The following B4GALNT3 variants were observed in gnomAD, a reference collection of about 807,000 sequenced individuals.
B4GALNT3 encodes the protein beta-1,4-N-acetyl-galactosaminyltransferase 3.
Under a neutral mutation model 120.2 loss-of-function variants are expected in B4GALNT3, and 86 were observed. The ratio of observed to expected loss-of-function variants is 0.72; its 90% CI spans 0.60 to 0.86. B4GALNT3 has a LOEUF of 0.86. Among genes scored for constraint, B4GALNT3 ranks in the 40% least tolerant of loss-of-function variants. The pLI, the probability that B4GALNT3 is intolerant of heterozygous loss-of-function variation, is 0.00. For synonymous variants in B4GALNT3, 518 were observed against 510.4 expected, an observed-to-expected ratio of 1.01 and a Z score of -0.20; for missense variants, 1,167 against 1,298.9, an observed-to-expected ratio of 0.90 and a Z score of 1.56.
Position 550,266 on chromosome 12 carries a change from C to T in B4GALNT3, c.997+354C>T, listed in dbSNP as rs923677226. On this transcript the variant is annotated intron_variant, in intron 10 of 19. Coordinates refer to ENST00000266383, the MANE Select transcript of B4GALNT3 (RefSeq NM_173593.4). This position sits in a 1 kb window ranked among gnomAD's most constrained non-coding sequence, Gnocchi z 4.1. ...CTCTTGTCATCCAAGGAGAGAAATA[C>T]GTGGACACCACAGTGTTAGAGTCTT... Among the ~76,000 whole-genome samples, 3 of 152,258 alleles carry T rather than the reference C, an allele frequency of 2.0e-5. No individual in the cohort carries two copies. Among genetic ancestry groups the T allele is most frequent in the Middle Eastern group, 3.4e-3 (1 of 294 alleles).
chr12:556,447 C>A, intron 14 of B4GALNT3, 100 bp from the exon 15 acceptor site: 1 of 1,217,448 alleles, frequency 8.2e-7, no homozygotes, highest in Non-Finnish European at 1.2e-6. Flanking sequence ...GGACAAAAAC[C>A]AGGGTCTCCC....
chr12:527,546 C>T (rs756876199), intron 1 of B4GALNT3, among the ~76,000 whole-genome samples: 51 of 152,306 alleles, frequency 3.3e-4, no homozygotes, highest in African/African-American at 7.5e-4. Context: ...AGGGTAGCGT[C>T]GGGGAAGAGA....
chr12:542,759 G>A (rs1946933518), intron 3 of B4GALNT3, among the ~76,000 whole-genome samples: 1 of 152,210 alleles, frequency 6.6e-6, no homozygotes, highest in South Asian at 2.1e-4. Flanking sequence ...AACCCAACTG[G>A]CACTGCCCCG....
chr12:546,558 G>A, intron 6 of B4GALNT3, 88 bp from the exon 7 acceptor site: 2 of 1,186,552 alleles, frequency 1.7e-6, no homozygotes, highest in South Asian at 2.6e-5. Context: ...CTCACTTCTT[G>A]GTTCTCCTTC....
chr12:512,165 ACCTTCCGCCTTCCGCCTTCCACCTTCCG>A (rs1946582544), intron 1 of B4GALNT3, among the ~76,000 whole-genome samples: 2 of 50,116 alleles, frequency 4.0e-5, no homozygotes, highest in Non-Finnish European at 6.5e-5. Flanking sequence ...TCCGCCTTCC[ACCTTCCGCCTTCCGCCTTCCACCTTCCG>A]CCTTCCACCT....
chr12:519,503 G>A (rs2286783), intron 1 of B4GALNT3, among the ~76,000 whole-genome samples: 68,371 of 151,680 alleles, frequency 0.45, 15,844 homozygotes, highest in East Asian at 0.69. Flanking sequence ...CTGGCAGAAC[G>A]CGGCTCAGTG....
At chr12:527,952 G>C (rs1946772558) in intron 1 of B4GALNT3, among the ~76,000 whole-genome samples, 1 of 152,006 alleles carries the variant, frequency 6.6e-6, no homozygotes, top group East Asian at 1.9e-4. Flanking sequence ...GTGTGGGTGG[G>C]TGGGTGAGTA....
chr12:539,551 AG>A (rs1311793928), intron 3 of B4GALNT3, among the ~76,000 whole-genome samples: 65 of 150,974 alleles, frequency 4.3e-4, no homozygotes, highest in African/African-American at 1.4e-3. Context: ...AAAAAAAAAA[AG>A]AAAGAAACAG....
In B4GALNT3 at chr12:548,222, C is replaced by T; in HGVS notation, c.787-9C>T. On this transcript the variant is annotated splice_polypyrimidine_tract_variant and intron_variant, in intron 8 of 19. Transcript: ENST00000266383. This position sits in a 1 kb window ranked among gnomAD's most constrained non-coding sequence, Gnocchi z 4.9. Reference sequence around the variant, plus strand: ...ACCTTCTGCATCTACCCTCTCTCTCCTCTTCCAGTGGCGACGGAACGACCC... The same window carrying T: ...ACCTTCTGCATCTACCCTCTCTCTCTTCTTCCAGTGGCGACGGAACGACCC... The T allele has an allele frequency of 6.2e-7, 1 of 1,613,830 alleles. No homozygotes were observed. The highest frequency in any genetic ancestry group is 8.5e-7 in the Non-Finnish European group (1 of 1,179,666).
At chr12:534,661 C>T (rs1946840375) in intron 1 of B4GALNT3, among the ~76,000 whole-genome samples, 3 of 152,240 alleles carry the variant, frequency 2.0e-5, no homozygotes, top group Admixed American at 6.5e-5. Flanking sequence ...ACATCACATC[C>T]CAGGCCCACT....
intron 1 of B4GALNT3, among the ~76,000 whole-genome samples, chr12:500,301 CAGCCAGA>C (rs1946426141): frequency 6.6e-6 from 1 of 152,168 alleles, no homozygotes; most frequent in African/African-American, 2.4e-5. Flanking sequence ...GAGCCACGCC[CAGCCAGA>C]AGCAACTCTT....
chr12:493,589 A>G (rs76934271), intron 1 of B4GALNT3, among the ~76,000 whole-genome samples: 2,538 of 56,510 alleles, frequency 0.045, 63 homozygotes, highest in South Asian at 0.28. Flanking sequence ...TTGAAATATA[A>G]TGGTTTTTTT....
At position 520,465 on chromosome 12, in the gene B4GALNT3, A is replaced by G. The variant is rs555253784; in HGVS notation, c.170-14701A>G. ...AGAAAATATGGTTATTAACACATCA[A>G]ATAACCAGTTGATTTAGTAAGGTCC... On this transcript the variant is annotated intron_variant, in intron 1 of 19. Coordinates refer to ENST00000266383, the MANE Select transcript of B4GALNT3 (RefSeq NM_173593.4). 1.2e-4 allele frequency among the ~76,000 whole-genome samples: 19 copies of G among 152,376 alleles called. No individual in the cohort carries two copies. In the South Asian group the frequency reaches 3.7e-3, roughly 30 times the overall value.
intron 1 of B4GALNT3, among the ~76,000 whole-genome samples, chr12:526,775 G>A (rs1004419762): frequency 2.6e-5 from 4 of 152,160 alleles, no homozygotes; most frequent in South Asian, 2.1e-4. Context: ...GATCAAATTC[G>A]TGGCTTGGAA....
At chr12:558,412 C>G in intron 17 of B4GALNT3, 96 bp from the exon 18 acceptor site, 1 of 1,207,294 alleles carries the variant, frequency 8.3e-7, no homozygotes, top group Non-Finnish European at 1.2e-6. Context: ...GTGAATCACT[C>G]CAATAGGGAA....
At chr12:462,677 C>T (rs1468591867) in intron 1 of B4GALNT3, among the ~76,000 whole-genome samples, 1 of 152,108 alleles carries the variant, frequency 6.6e-6, no homozygotes, top group Non-Finnish European at 1.5e-5. Context: ...CCTCTCTCCT[C>T]TTAGAACCCT....
At chr12:554,587 G>A (rs191717412) in intron 14 of B4GALNT3, among the ~76,000 whole-genome samples, 2,783 of 150,504 alleles carry the variant, frequency 0.018, 103 homozygotes, top group African/African-American at 0.065. Flanking sequence ...TCAGGAGATC[G>A]AGACCATCCT....
chr12:461,597 TCCTCCCGCTTTGGGGAA>T (rs1403185468), intron 1 of B4GALNT3, among the ~76,000 whole-genome samples: 2 of 152,168 alleles, frequency 1.3e-5, no homozygotes, highest in African/African-American at 2.4e-5. Context: ...GCCTTCACTT[TCCTCCCGCTTTGGGGAA>T]ACTCGGACAG....
intron 1 of B4GALNT3, among the ~76,000 whole-genome samples, chr12:475,548 G>A (rs1347918851): frequency 6.6e-6 from 1 of 152,006 alleles, no homozygotes; most frequent in African/African-American, 2.4e-5. Context: ...TCTTCCCTTG[G>A]GCTCTGCCGC....
Sources: allele counts gnomAD v4.1 joint callset (sites outside exome capture counted in the v4.1 genomes callset), GRCh38; gene constraint gnomAD v4.1.1; non-coding constraint Gnocchi (gnomAD v3.1); transcripts MANE v1.5; gene names NCBI Gene and HGNC (gene_info 2026-07-23, HGNC 2026-07-21).